The following ZCCHC7 variants were observed in gnomAD, a reference collection of about 807,000 sequenced individuals.
The protein encoded by ZCCHC7 is zinc finger CCHC domain-containing protein 7.
ZCCHC7 carries 35 observed loss-of-function variants against 52.0 expected under a neutral mutation model. The observed-to-expected ratio is 0.67, with a 90% CI of 0.51 to 0.89. The LOEUF is 0.89. Among genes scored for constraint, ZCCHC7 ranks in the 40% least tolerant of loss-of-function variants. The pLI, the probability that ZCCHC7 is intolerant of heterozygous loss-of-function variation, is 0.00. For missense variants in ZCCHC7, 574 were observed against 649.1 expected (o/e 0.88, Z 1.26); for synonymous variants, 217 against 221.5 (o/e 0.98, Z 0.18).
chr9:37,298,110 G>A (rs1333813579), intron 2 of ZCCHC7, among the ~76,000 whole-genome samples: 6 of 152,182 alleles, frequency 3.9e-5, no homozygotes, highest in Non-Finnish European at 5.9e-5. Context: ...GGACAGGGTT[G>A]CTTTGAAGAC....
intron 3 of ZCCHC7, 135 bp from the exon 4 acceptor site, chr9:37,304,053 T>C: frequency 1.3e-6 from 1 of 795,890 alleles, no homozygotes; most frequent in Non-Finnish European, 2.0e-6. Context: ...ATTCTCTTGC[T>C]TTATCAAGGT....
Position 37,273,232 on chromosome 9 carries a change from G to A in ZCCHC7, c.611-28956G>A, listed in dbSNP as rs145288715. ...AAGAAAAAGTGTCCTGGCTGGGCGC[G>A]GTGGCTCACACCTGTAATCCCAGCA... is the stretch of plus-strand genomic sequence containing the variant. On this transcript the variant is annotated intron_variant, in intron 2 of 8. Transcript: ENST00000336755. 4.6e-3 allele frequency among the ~76,000 whole-genome samples: 698 copies of A among 152,216 alleles called. 3 individuals carry two copies. The highest frequency in any genetic ancestry group is 0.014 in the African/African-American group (566 of 41,514).
intron 2 of ZCCHC7, among the ~76,000 whole-genome samples, chr9:37,249,552 A>G (rs1278367646): frequency 6.8e-6 from 1 of 147,836 alleles, no homozygotes; most frequent in African/African-American, 2.5e-5. Flanking sequence ...CCTGGGTTCA[A>G]GCAATTCTCC....
intron 7 of ZCCHC7, among the ~76,000 whole-genome samples, chr9:37,349,716 T>A (rs1458192857): frequency 1.3e-5 from 2 of 152,164 alleles, no homozygotes; most frequent in Admixed American, 1.3e-4. Flanking sequence ...AATATAATAG[T>A]CAACAGTATG....
chr9:37,322,694 T>C (rs1830100250), intron 5 of ZCCHC7, among the ~76,000 whole-genome samples: 1 of 150,382 alleles, frequency 6.6e-6, no homozygotes, highest in Non-Finnish European at 1.5e-5. Flanking sequence ...CTGAATTTTT[T>C]TAAGAAGGTG....
At chr9:37,285,980 A>G (rs1253605073) in intron 2 of ZCCHC7, among the ~76,000 whole-genome samples, 1 of 152,230 alleles carries the variant, frequency 6.6e-6, no homozygotes, top group East Asian at 1.9e-4. Context: ...GAAGACTAGT[A>G]TAACTTCAGA....
intron 2 of ZCCHC7, among the ~76,000 whole-genome samples, chr9:37,265,422 T>C (rs193023553): frequency 3.0e-4 from 46 of 152,312 alleles, no homozygotes; most frequent in Admixed American, 2.9e-3. Flanking sequence ...AGTTCGTCAT[T>C]CCTCCCATCC....
In ZCCHC7 at chr9:37,358,012, T is replaced by C. The variant is rs1420145396; in HGVS notation, c.*744T>C. 6.6e-6 allele frequency: 1 copy of C among 152,206 alleles called. No individual in the cohort carries two copies. The highest frequency in any genetic ancestry group is 1.5e-5 in the Non-Finnish European group (1 of 68,044). 9.4% of individuals were successfully genotyped at this position (152,206 alleles called of 1,614,324 possible). ...TCACTCAGATCTGCAGAGATGAATATTACTCAAAAAATTTTTTTGTTCTCT... is the reference window on the plus strand; with the variant it reads ...TCACTCAGATCTGCAGAGATGAATACTACTCAAAAAATTTTTTTGTTCTCT... On this transcript the variant is annotated 3_prime_UTR_variant, in exon 9 of 9. Transcript: ENST00000336755.
At chr9:37,321,992 G>A (rs756625873) in intron 5 of ZCCHC7, among the ~76,000 whole-genome samples, 15 of 152,158 alleles carry the variant, frequency 9.9e-5, no homozygotes, top group Non-Finnish European at 1.8e-4. Flanking sequence ...CAGTTGTAAT[G>A]GAGGGATGCC....
chr9:37,288,365 G>T (rs1391644882), intron 2 of ZCCHC7, among the ~76,000 whole-genome samples: 4 of 146,444 alleles, frequency 2.7e-5, no homozygotes, highest in Middle Eastern at 3.5e-3. Context: ...TTTTTTTCTG[G>T]AGCTAAATTG....
At chr9:37,193,688 T>G (rs1823135469) in intron 2 of ZCCHC7, among the ~76,000 whole-genome samples, 1 of 152,120 alleles carries the variant, frequency 6.6e-6, no homozygotes, top group Non-Finnish European at 1.5e-5. Flanking sequence ...CATGTACAAT[T>G]TTATATGAGC....
At chr9:37,298,228 A>G (rs755678440) in intron 2 of ZCCHC7, among the ~76,000 whole-genome samples, 6 of 152,202 alleles carry the variant, frequency 3.9e-5, no homozygotes, top group Admixed American at 6.5e-5. Flanking sequence ...AAGATAGCAG[A>G]ATAGTTCCAC....
At chr9:37,144,260 C>T (rs1026993427) in intron 2 of ZCCHC7, among the ~76,000 whole-genome samples, 3 of 151,692 alleles carry the variant, frequency 2.0e-5, no homozygotes, top group Non-Finnish European at 4.4e-5. Flanking sequence ...ATAGTAAATC[C>T]ATATCCATAA....
intron 2 of ZCCHC7, among the ~76,000 whole-genome samples, chr9:37,296,600 G>A (rs1346029550): frequency 2.7e-5 from 4 of 147,570 alleles, no homozygotes; most frequent in Non-Finnish European, 4.5e-5. Context: ...TTTTTTTTCC[G>A]AATCTCTAAC....
intron 6 of ZCCHC7, 136 bp from the exon 7 acceptor site, chr9:37,349,221 T>A: frequency 1.5e-6 from 1 of 683,934 alleles, no homozygotes; most frequent in Non-Finnish European, 2.5e-6. Flanking sequence ...ATATATGGAA[T>A]CGCCTGAATA....
At chr9:37,205,942 T>G (rs1823885266) in intron 2 of ZCCHC7, among the ~76,000 whole-genome samples, 1 of 152,036 alleles carries the variant, frequency 6.6e-6, no homozygotes, top group Non-Finnish European at 1.5e-5. Context: ...TGAAGCCCTA[T>G]TCTTAGGAGT....
intron 2 of ZCCHC7, among the ~76,000 whole-genome samples, chr9:37,235,878 G>A (rs568000161): frequency 4.0e-5 from 6 of 151,702 alleles, no homozygotes; most frequent in Admixed American, 6.6e-5. Flanking sequence ...GTGAGCCACC[G>A]CACCTGGCCC....
chr9:37,171,048 G>A (rs1234082332), intron 2 of ZCCHC7, among the ~76,000 whole-genome samples: 2 of 152,176 alleles, frequency 1.3e-5, no homozygotes, highest in South Asian at 2.1e-4. Context: ...CTGGGTTGAA[G>A]CAATTGTAAT....
At chr9:37,228,575 C>G (rs1293371793) in intron 2 of ZCCHC7, among the ~76,000 whole-genome samples, 7 of 151,888 alleles carry the variant, frequency 4.6e-5, no homozygotes, top group African/African-American at 1.7e-4. Flanking sequence ...GACAGCATTT[C>G]AGTTTTGCCC....
Sources: allele counts gnomAD v4.1 joint callset (sites outside exome capture counted in the v4.1 genomes callset), GRCh38; gene constraint gnomAD v4.1.1; transcripts MANE v1.5; gene names NCBI Gene and HGNC (gene_info 2026-07-23, HGNC 2026-07-21).